The following ARHGEF38 variants were observed in gnomAD, a reference collection of about 807,000 sequenced individuals.
The protein encoded by ARHGEF38 is Rho guanine nucleotide exchange factor 38.
Under a neutral mutation model 79.9 loss-of-function variants are expected in ARHGEF38, and 79 were observed. The observed-to-expected ratio is 0.99, with a 90% CI of 0.82 to 1.19. ARHGEF38 has a LOEUF of 1.19. Ranked by LOEUF, ARHGEF38 falls within the 50% of genes most tolerant of loss-of-function variation. The pLI is 0.00. For synonymous variants in ARHGEF38, 366 were observed against 328.3 expected (o/e 1.11, Z -1.24); for missense variants, 962 against 907.2 (o/e 1.06, Z -0.78).
At chr4:105,653,029 T>C (rs1730170287) in intron 7 of ARHGEF38, among the ~76,000 whole-genome samples, 1 of 152,218 alleles carries the variant, frequency 6.6e-6, no homozygotes, top group Non-Finnish European at 1.5e-5. Flanking sequence ...CATTTGCACG[T>C]TCACACAGAT....
At chr4:105,568,301 C>T (rs1220973806) in intron 1 of ARHGEF38, among the ~76,000 whole-genome samples, 3 of 151,650 alleles carry the variant, frequency 2.0e-5, no homozygotes, top group African/African-American at 7.3e-5. Flanking sequence ...TACCATCTCA[C>T]ACCAGTTAGA....
intron 1 of ARHGEF38, among the ~76,000 whole-genome samples, chr4:105,571,754 G>A (rs1352949800): frequency 1.3e-5 from 2 of 152,108 alleles, no homozygotes; most frequent in Non-Finnish European, 2.9e-5. Context: ...GTTCCTTTTC[G>A]AATTGGCAGA....
chr4:105,565,176 C>T (rs1477607428), intron 1 of ARHGEF38, among the ~76,000 whole-genome samples: 3 of 152,178 alleles, frequency 2.0e-5, no homozygotes, highest in Admixed American at 6.6e-5. Flanking sequence ...ACATGCCCTT[C>T]CAATGAAGAT....
rs1303280841 is a variant in ARHGEF38 at position 105,655,613 on chromosome 4, C to G, written c.1124C>G (p.Pro375Arg). 1 of 1,534,760 alleles carries G rather than the reference C, an allele frequency of 6.5e-7. No individual in the cohort carries two copies. The highest frequency in any genetic ancestry group is 1.2e-5 in the South Asian group (1 of 83,696). Reference protein sequence around the residue: ...LCLQHIQDAMPLALQSVMDLQ... With the variant: ...LCLQHIQDAMRLALQSVMDLQ... ...GTTCTTGGGTTTCAGGATGCCATGC[C>G]CCTGGCTCTGCAGAGTGTGATGGAC... Residue 375 changes from proline (P) to arginine (R), a missense_variant, in exon 9 of 14, where the codon CCC becomes CGC. Transcript: ENST00000420470.
chr4:105,677,004 C>T (rs1210659425), intron 13 of ARHGEF38, among the ~76,000 whole-genome samples: 1 of 151,698 alleles, frequency 6.6e-6, no homozygotes, highest in East Asian at 1.9e-4. Context: ...CACTCCGTCG[C>T]CCAGGCTGGA....
At position 105,667,589 on chromosome 4, in the gene ARHGEF38, C is replaced by T; in HGVS notation, c.2034C>T (p.Val678=). ...FVSSRPASDS[V]TGTSESSIGD... is the part of the protein sequence containing the mutation. ...CTTCACGGCCAGCTAGTGACAGTGT[C>T]ACAGGCACCTCAGAAAGCAGCATTG... Residue 678 remains valine (V), a synonymous_variant, in exon 13 of 14, where the codon GTC becomes GTT. Transcript: ENST00000420470. 6.5e-7 allele frequency: 1 copy of T among 1,536,708 alleles called. No homozygotes were observed. The highest frequency in any genetic ancestry group is 8.7e-7 in the Non-Finnish European group (1 of 1,147,042).
intron 5 of ARHGEF38, among the ~76,000 whole-genome samples, chr4:105,639,706 T>A (rs962380922): frequency 8.6e-5 from 13 of 152,042 alleles, no homozygotes; most frequent in East Asian, 5.8e-4. Context: ...ATCTATTTCT[T>A]GATTTTCTAT....
chr4:105,618,412 C>A (rs567630057), intron 3 of ARHGEF38, among the ~76,000 whole-genome samples: 1 of 152,000 alleles, frequency 6.6e-6, no homozygotes, highest in African/African-American at 2.4e-5. Flanking sequence ...CTGATGTGGG[C>A]GGATCACGAG....
intron 1 of ARHGEF38, among the ~76,000 whole-genome samples, chr4:105,564,150 C>G (rs944650730): frequency 1.3e-5 from 2 of 151,954 alleles, no homozygotes; most frequent in Non-Finnish European, 2.9e-5. Context: ...ATATATAAAC[C>G]CCAGGAGATT....
intron 8 of ARHGEF38, among the ~76,000 whole-genome samples, chr4:105,655,316 A>G (rs912601468): frequency 3.9e-5 from 6 of 152,240 alleles, no homozygotes; most frequent in African/African-American, 1.4e-4. Context: ...GAAATTTGTA[A>G]GAATTGCAAG....
At chr4:105,599,534 T>C (rs1727733219) in intron 2 of ARHGEF38, among the ~76,000 whole-genome samples, 1 of 152,198 alleles carries the variant, frequency 6.6e-6, no homozygotes, top group African/African-American at 2.4e-5. Flanking sequence ...TAAACCACAA[T>C]TTTAATTTGC....
intron 9 of ARHGEF38, among the ~76,000 whole-genome samples, chr4:105,657,010 G>C (rs1730355306): frequency 2.6e-5 from 4 of 151,954 alleles, no homozygotes; most frequent in Admixed American, 2.6e-4. Context: ...AGATGATGGT[G>C]ATGATGAGAT....
At chr4:105,631,279 C>A in intron 4 of ARHGEF38, 1 of 1,155,624 alleles carries the variant, frequency 8.7e-7, no homozygotes, top group Non-Finnish European at 1.1e-6. Context: ...AGCTCTGCAG[C>A]GATTGAAAAA....
At chr4:105,624,337 G>A (rs2110508195) in intron 3 of ARHGEF38, among the ~76,000 whole-genome samples, 1 of 152,320 alleles carries the variant, frequency 6.6e-6, no homozygotes, top group South Asian at 2.1e-4. Context: ...TAATTTGGAA[G>A]TCTTATTTTG....
intron 10 of ARHGEF38, among the ~76,000 whole-genome samples, chr4:105,661,913 T>C (rs1437266043): frequency 6.6e-6 from 1 of 152,160 alleles, no homozygotes. Context: ...CGTTTTTTTA[T>C]TACAAATAAT....
chr4:105,595,834 C>T (rs1224989197), intron 2 of ARHGEF38, among the ~76,000 whole-genome samples: 1 of 152,144 alleles, frequency 6.6e-6, no homozygotes, highest in Non-Finnish European at 1.5e-5. Context: ...GAAAGAGAGT[C>T]TGTTCAATAC....
chr4:105,554,252 T>G (rs1454431216), intron 1 of ARHGEF38, among the ~76,000 whole-genome samples: 1 of 152,174 alleles, frequency 6.6e-6, no homozygotes, highest in Non-Finnish European at 1.5e-5. Context: ...TGTTTGTTAC[T>G]TGCGTATTTT....
intron 10 of ARHGEF38, among the ~76,000 whole-genome samples, chr4:105,664,769 A>G (rs1730689077): frequency 6.6e-6 from 1 of 152,188 alleles, no homozygotes; most frequent in South Asian, 2.1e-4. Flanking sequence ...TCTAGGTTCA[A>G]AGAAATATGG....
In ARHGEF38 at chr4:105,673,725, T is replaced by A. The variant is rs531888658; in HGVS notation, c.2149-4027T>A. Among the ~76,000 whole-genome samples, 76 of 152,106 alleles carry A rather than the reference T, an allele frequency of 5.0e-4. 1 individual carries two copies. Among genetic ancestry groups the A allele is most frequent in the Admixed American group, 5.0e-3 (76 of 15,274 alleles). On this transcript the variant is annotated intron_variant, in intron 13 of 13. Transcript: ENST00000420470. ...GAAGGAAGAAAGGAAGAGAGGAAGA[T>A]GGGAGGAAGGAAAAGAAGATACTAA...
Sources: gnomAD v4.1 joint callset for allele counts (sites outside exome capture counted in the v4.1 genomes callset) on GRCh38, gnomAD v4.1.1 for gene constraint, MANE v1.5 for transcripts, NCBI Gene and HGNC (gene_info 2026-07-23, HGNC 2026-07-21) for gene names.